The following CDK6 variants were observed in gnomAD, a reference collection of about 807,000 sequenced individuals.
CDK6 encodes cyclin-dependent kinase 6.
Under a neutral mutation model 37.1 loss-of-function variants are expected in CDK6, and 6 were observed. That is an observed-to-expected ratio of 0.16 (90% CI 0.09 to 0.32). The LOEUF (loss-of-function observed/expected upper bound fraction) is 0.32, where lower values mean the gene tolerates loss of function less well. Ranked by LOEUF, CDK6 falls within the 10% of genes least tolerant of loss-of-function variation. The probability of loss-of-function intolerance (pLI) is 1.00; values close to 1 mark genes in which losing one functional copy is unlikely to be tolerated. For synonymous variants in CDK6, 160 were observed against 161.3 expected (o/e 0.99, Z 0.06); for missense variants, 224 against 418.9 (o/e 0.53, Z 4.06).
intron 2 of CDK6, among the ~76,000 whole-genome samples, chr7:92,785,103 T>G (rs1800091066): frequency 6.6e-6 from 1 of 152,184 alleles, no homozygotes; most frequent in Admixed American, 6.5e-5. Context: ...TGCGGCATCA[T>G]TCGTGATAGC....
rs57165480 is a variant in CDK6, at chr7:92,692,266, A to AAAAGAAAGAAAG, written c.538-20743_538-20732dup. Among the ~76,000 whole-genome samples, 475 of 147,902 alleles carry AAAAGAAAGAAAG rather than the reference A, an allele frequency of 3.2e-3. 17 individuals are homozygous for AAAAGAAAGAAAG. The East Asian group carries it at 0.075, about 23-fold the overall frequency. On this transcript the variant is annotated intron_variant, in intron 4 of 7. Coordinates refer to ENST00000424848, the MANE Select transcript of CDK6 (RefSeq NM_001145306.2). ...GAACAAGAGTGAAACTCCGTCTCAA[A>AAAAGAAAGAAAG]AAAGAAAGAAAGAAAGAAAGAAAGT...
intron 5 of CDK6, among the ~76,000 whole-genome samples, chr7:92,653,576 T>G (rs532690867): frequency 6.6e-6 from 1 of 152,318 alleles, no homozygotes; most frequent in African/African-American, 2.4e-5. Flanking sequence ...CAACAAGTTT[T>G]TTATTCTTTA....
At chr7:92,668,472 G>A (rs1797006558) in intron 5 of CDK6, among the ~76,000 whole-genome samples, 1 of 152,134 alleles carries the variant, frequency 6.6e-6, no homozygotes, top group Non-Finnish European at 1.5e-5. Flanking sequence ...TAAGAATATG[G>A]CAAAAACAAT....
At chr7:92,770,556 T>C (rs1291124157) in intron 3 of CDK6, among the ~76,000 whole-genome samples, 2 of 152,178 alleles carry the variant, frequency 1.3e-5, no homozygotes, top group Non-Finnish European at 2.9e-5. Flanking sequence ...TGTGGTTTAA[T>C]GTCTTTTTTA....
chr7:92,807,932 A>T (rs1368614377), intron 2 of CDK6, among the ~76,000 whole-genome samples: 1 of 152,202 alleles, frequency 6.6e-6, no homozygotes, highest in Admixed American at 6.5e-5. Flanking sequence ...CAAAGATTAA[A>T]TTATGAGTTT....
rs912183058 is a variant in CDK6, at chr7:92,610,960, G to C, written c.*4180C>G. ...CCCTTGAAATGGGAAAAAAGTACAGGTAATTTAGTTTGCTTGGGACAGCTT... is the reference window on the plus strand; with the variant it reads ...CCCTTGAAATGGGAAAAAAGTACAGCTAATTTAGTTTGCTTGGGACAGCTT... On this transcript the variant is annotated 3_prime_UTR_variant, in exon 8 of 8. Coordinates refer to ENST00000424848, the MANE Select transcript of CDK6 (RefSeq NM_001145306.2). 29 of 227,678 alleles carry C rather than the reference G, an allele frequency of 1.3e-4. No individual in the cohort carries two copies. Among genetic ancestry groups the C allele is most frequent in the Non-Finnish European group, 2.4e-4 (27 of 114,738 alleles). 14.1% of individuals were successfully genotyped at this position (227,678 alleles called of 1,614,324 possible). A position where few individuals can be genotyped will look rare whatever the true frequency, so the allele number is the denominator to read the frequency against.
At position 92,648,686 on chromosome 7, in the gene CDK6, T is replaced by C. The variant is rs540409776; in HGVS notation, c.647+22740A>G. 8.5e-5 allele frequency among the ~76,000 whole-genome samples: 13 copies of C among 152,322 alleles called. No homozygotes were observed. The South Asian group carries it at 1.9e-3, about 22-fold the overall frequency. On this transcript the variant is annotated intron_variant, in intron 5 of 7. Coordinates refer to ENST00000424848, the MANE Select transcript of CDK6 (RefSeq NM_001145306.2). ...AATGCCCAGTTCAATACGTATTGGA[T>C]GACCGAGTGTTTGCCAAGTGACCAT...
chr7:92,730,536 T>C (rs770736538), intron 3 of CDK6, among the ~76,000 whole-genome samples: 3 of 152,190 alleles, frequency 2.0e-5, no homozygotes, highest in Non-Finnish European at 2.9e-5. Flanking sequence ...TGTCTCCCCA[T>C]GTACCCCTCC....
chr7:92,741,778 G>A (rs747088114), intron 3 of CDK6, among the ~76,000 whole-genome samples: 17 of 151,840 alleles, frequency 1.1e-4, no homozygotes, highest in East Asian at 1.9e-4. Flanking sequence ...AGAAACAGAC[G>A]GCATAGTACT....
chr7:92,758,508 C>A (rs1799371288), intron 3 of CDK6, among the ~76,000 whole-genome samples: 3 of 152,120 alleles, frequency 2.0e-5, no homozygotes, highest in African/African-American at 7.2e-5. Context: ...GTTTTTGTAC[C>A]AGTACCGTGC....
At chr7:92,779,499 A>G (rs1193826760) in intron 2 of CDK6, among the ~76,000 whole-genome samples, 1 of 152,226 alleles carries the variant, frequency 6.6e-6, no homozygotes, top group East Asian at 1.9e-4. Context: ...GTTCAAGGAA[A>G]TAATCCTTTT....
At chr7:92,826,729 G>A (rs958204352) in intron 2 of CDK6, among the ~76,000 whole-genome samples, 2 of 152,148 alleles carry the variant, frequency 1.3e-5, no homozygotes, top group African/African-American at 4.8e-5. Flanking sequence ...GACTTCACAT[G>A]TGTATGCCTT....
rs143050471 is a variant in CDK6, at chr7:92,781,770, A to T, written c.234-6939T>A. Among the ~76,000 whole-genome samples, 1,243 of 152,334 alleles carry T rather than the reference A, an allele frequency of 8.2e-3. 7 individuals carry two copies. Among genetic ancestry groups the T allele is most frequent in the Non-Finnish European group, 0.012 (797 of 68,024 alleles). Reference sequence around the variant, plus strand: ...GCACAGCTACCTAAGGGCCACAACAAAATTCTGCTTGAACTAGAGCCAGTA... The same window carrying T: ...GCACAGCTACCTAAGGGCCACAACATAATTCTGCTTGAACTAGAGCCAGTA... On this transcript the variant is annotated intron_variant, in intron 2 of 7. Transcript: ENST00000424848.
At chr7:92,712,105 A>G (rs1441231815) in intron 4 of CDK6, among the ~76,000 whole-genome samples, 1 of 151,400 alleles carries the variant, frequency 6.6e-6, no homozygotes, top group Non-Finnish European at 1.5e-5. Context: ...GCTTGCAGTG[A>G]GCCGAGAGAG....
At chr7:92,722,378 G>A (rs529348818) in intron 4 of CDK6, among the ~76,000 whole-genome samples, 2 of 152,170 alleles carry the variant, frequency 1.3e-5, no homozygotes, top group Non-Finnish European at 2.9e-5. Flanking sequence ...TTCAGGACAG[G>A]AAGTTCAATT....
At chr7:92,664,568 A>G (rs1796913722) in intron 5 of CDK6, among the ~76,000 whole-genome samples, 1 of 152,190 alleles carries the variant, frequency 6.6e-6, no homozygotes, top group Non-Finnish European at 1.5e-5. Flanking sequence ...CAATGACGAC[A>G]AGCCTAGAGA....
intron 4 of CDK6, among the ~76,000 whole-genome samples, chr7:92,696,410 C>T (rs556848398): frequency 2.6e-5 from 4 of 152,034 alleles, no homozygotes; most frequent in South Asian, 2.1e-4. Flanking sequence ...TGTTGTTTCA[C>T]GGGGAAAGAA....
intron 7 of CDK6, among the ~76,000 whole-genome samples, chr7:92,616,421 A>T (rs1795678904): frequency 2.0e-5 from 3 of 152,204 alleles, no homozygotes; most frequent in African/African-American, 7.2e-5. Flanking sequence ...AATCTGATTT[A>T]TCCTGAGATC....
intron 3 of CDK6, among the ~76,000 whole-genome samples, chr7:92,744,828 G>A (rs1387960510): frequency 6.6e-6 from 1 of 152,110 alleles, no homozygotes; most frequent in Admixed American, 6.5e-5. Flanking sequence ...AGAGTGGAAA[G>A]TTTGTAAGTA....
Sources: gnomAD v4.1 joint callset for allele counts (sites outside exome capture counted in the v4.1 genomes callset) on GRCh38, gnomAD v4.1.1 for gene constraint, MANE v1.5 for transcripts, NCBI Gene and HGNC (gene_info 2026-07-23, HGNC 2026-07-21) for gene names.